FMN1: variants seen among roughly 807,000 people sequenced by gnomAD.
FMN1 encodes formin 1, also known as formin-1.
FMN1 carries 110 observed loss-of-function variants against 132.4 expected under a neutral mutation model. The observed-to-expected ratio is 0.83, with a 90% CI of 0.71 to 0.97. The LOEUF (loss-of-function observed/expected upper bound fraction) is 0.97. FMN1 is among the 50% of genes least tolerant of loss of function. The pLI, the probability that FMN1 is intolerant of heterozygous loss-of-function variation, is 0.00. For synonymous variants in FMN1, 722 were observed against 651.7 expected, an observed-to-expected ratio of 1.11 and a Z score of -1.64; for missense variants, 1,792 against 1,705.3, an observed-to-expected ratio of 1.05 and a Z score of -0.90.
intron 7 of FMN1, among the ~76,000 whole-genome samples, chr15:32,996,581 T>C (rs540930233): frequency 6.6e-6 from 1 of 152,162 alleles, no homozygotes; most frequent in African/African-American, 2.4e-5. Flanking sequence ...AATGGTGTAA[T>C]AGCTCATTCA....
rs1335529854 is a variant in FMN1, at chr15:33,117,979, GT to G, written c.1868-29006del. ...TTTTCGTGTTCCTAGAAAGAAAATT[GT>G]TGTTAATTTGCAAAGACTTTTGCAT... On this transcript the variant is annotated intron_variant, in intron 4 of 20. Transcript: ENST00000616417. Among the ~76,000 whole-genome samples the G allele has an allele frequency of 3.9e-5, 6 of 152,130 alleles. 1 individual carries two copies. Among genetic ancestry groups the G allele is most frequent in the African/African-American group, 1.4e-4 (6 of 41,442 alleles).
At chr15:33,067,674 G>C in intron 5 of FMN1, 1 of 1,614,024 alleles carries the variant, frequency 6.2e-7, no homozygotes, top group Non-Finnish European at 8.5e-7. Context: ...GAATCATCCT[G>C]CTGAGATGTG....
At chr15:33,046,360 T>G (rs2036684603) in intron 6 of FMN1, among the ~76,000 whole-genome samples, 1 of 152,178 alleles carries the variant, frequency 6.6e-6, no homozygotes, top group African/African-American at 2.4e-5. Context: ...GTTCCCAAAT[T>G]AGTCTCATCT....
At chr15:33,028,466 G>A (rs1273359486) in intron 6 of FMN1, among the ~76,000 whole-genome samples, 1 of 151,372 alleles carries the variant, frequency 6.6e-6, no homozygotes, top group East Asian at 1.9e-4. Context: ...TCTAGCAACT[G>A]GAAATAATGC....
At chr15:33,040,423 A>G (rs888020636) in intron 6 of FMN1, among the ~76,000 whole-genome samples, 1 of 152,194 alleles carries the variant, frequency 6.6e-6, no homozygotes, top group Non-Finnish European at 1.5e-5. Context: ...CAAAAACAAC[A>G]AAACAGAAAA....
At position 33,182,421 on chromosome 15, in the gene FMN1, C is replaced by A. The variant is rs1017663370; in HGVS notation, c.-196-2159G>T. Reference sequence around the variant, plus strand: ...TGCTCTTAAGCTGGCCTGGAATGGCCCCTGGCCTCCTTGACTAATCGCCCT... The same window carrying A: ...TGCTCTTAAGCTGGCCTGGAATGGCACCTGGCCTCCTTGACTAATCGCCCT... On this transcript the variant is annotated intron_variant, in intron 2 of 20. Transcript: ENST00000616417. 3.3e-5 allele frequency among the ~76,000 whole-genome samples: 5 copies of A among 152,194 alleles called. 1 individual carries two copies. Among genetic ancestry groups the A allele is most frequent in the Non-Finnish European group, 5.9e-5 (4 of 68,032 alleles).
At chr15:33,034,273 A>C (rs1338194571) in intron 6 of FMN1, among the ~76,000 whole-genome samples, 1 of 152,108 alleles carries the variant, frequency 6.6e-6, no homozygotes, top group Non-Finnish European at 1.5e-5. Flanking sequence ...TCTCCAGTCC[A>C]TGGCAATTCC....
intron 20 of FMN1, 69 bp from the exon 21 acceptor site, chr15:32,774,423 ATT>A: frequency 7.2e-7 from 1 of 1,391,972 alleles, no homozygotes; most frequent in Non-Finnish European, 9.9e-7. Context: ...CATTTCTCAA[ATT>A]TTGGTCTAGA....
intron 6 of FMN1, among the ~76,000 whole-genome samples, chr15:33,024,146 AC>A (rs1192768312): frequency 6.6e-6 from 1 of 151,968 alleles, no homozygotes; most frequent in South Asian, 2.1e-4. Context: ...ATATAAACAT[AC>A]AAAAAGACAC....
At chr15:33,124,658 A>G (rs1225405838) in intron 4 of FMN1, among the ~76,000 whole-genome samples, 1 of 152,142 alleles carries the variant, frequency 6.6e-6, no homozygotes, top group Non-Finnish European at 1.5e-5. Context: ...GTTCTTTTCA[A>G]TAAAAATATC....
chr15:32,820,737 A>G (rs183289948), intron 17 of FMN1, among the ~76,000 whole-genome samples: 1 of 152,236 alleles, frequency 6.6e-6, no homozygotes, highest in Non-Finnish European at 1.5e-5. Flanking sequence ...CGAAGGGCTG[A>G]TAATTGTTTT....
rs1445511234 is a variant in FMN1, at chr15:32,768,663, T to C, written c.*5647A>G. ...TTCTGCCTGAAACTATAGTCTTCTTTGCATTTTGCTGGCCCAATGTCATCA... is the reference window on the plus strand; with the variant it reads ...TTCTGCCTGAAACTATAGTCTTCTTCGCATTTTGCTGGCCCAATGTCATCA... On this transcript the variant is annotated 3_prime_UTR_variant, in exon 21 of 21. Coordinates refer to ENST00000616417, the MANE Select transcript of FMN1 (RefSeq NM_001277313.2). The C allele has an allele frequency of 6.6e-6, 1 of 152,202 alleles. No homozygotes were observed. The highest frequency in any genetic ancestry group is 2.4e-5 in the African/African-American group (1 of 41,440). The allele number at this position is 152,202 out of a possible 1,614,324, so 9.4% of individuals were successfully genotyped here.
At chr15:33,105,704 T>C (rs1428084615) in intron 4 of FMN1, 1 of 152,194 alleles carries the variant, frequency 6.6e-6, no homozygotes, top group African/African-American at 2.4e-5. Context: ...AATAAATATC[T>C]ACTTTTCCTT....
chr15:32,886,965 T>C (rs866648851), intron 16 of FMN1, among the ~76,000 whole-genome samples: 1 of 152,194 alleles, frequency 6.6e-6, no homozygotes, highest in South Asian at 2.1e-4. Flanking sequence ...GAAGCATCCA[T>C]TTGTTTGAAT....
chr15:32,852,578 G>A (rs1040037179), intron 17 of FMN1, among the ~76,000 whole-genome samples: 12 of 152,086 alleles, frequency 7.9e-5, no homozygotes, highest in Admixed American at 1.3e-4. Flanking sequence ...TGTTGCCCAG[G>A]CTGGTTTCAA....
intron 3 of FMN1, among the ~76,000 whole-genome samples, chr15:33,177,101 T>A (rs1255799439): frequency 6.6e-6 from 1 of 152,196 alleles, no homozygotes; most frequent in East Asian, 1.9e-4. Context: ...GGTACTATTA[T>A]TATCTCCATT....
chr15:32,810,961 G>A (rs1157202222), intron 17 of FMN1: 1 of 456,144 alleles, frequency 2.2e-6, no homozygotes, highest in Admixed American at 2.3e-5. Context: ...AGGAAACAAA[G>A]GGACTGCGCT....
intron 6 of FMN1, among the ~76,000 whole-genome samples, chr15:33,032,323 G>C (rs1292525115): frequency 6.6e-6 from 1 of 152,172 alleles, no homozygotes; most frequent in African/African-American, 2.4e-5. Context: ...AGATGTAGAT[G>C]CAAGTATTCA....
chr15:33,055,829 A>C (rs1035808173), intron 6 of FMN1, among the ~76,000 whole-genome samples: 30 of 152,192 alleles, frequency 2.0e-4, no homozygotes, highest in Admixed American at 1.0e-3. Flanking sequence ...AGAGAGAAAA[A>C]ACACTTGCAA....
Sources: gnomAD v4.1 joint callset for allele counts (sites outside exome capture counted in the v4.1 genomes callset) on GRCh38, gnomAD v4.1.1 for gene constraint, MANE v1.5 for transcripts, NCBI Gene and HGNC (gene_info 2026-07-23, HGNC 2026-07-21) for gene names.